AFF3: variants seen among roughly 807,000 people sequenced by gnomAD.
The protein encoded by AFF3 is ALF transcription elongation factor 3, also known as AF4/FMR2 family member 3.
A neutral mutation model predicts 129.7 loss-of-function variants in AFF3; 32 were observed. That is an observed-to-expected ratio of 0.25 (90% CI 0.19 to 0.33). The LOEUF is 0.33. Ranked by LOEUF, AFF3 falls within the 10% of genes least tolerant of loss-of-function variation. The pLI, the probability that AFF3 is intolerant of heterozygous loss-of-function variation, is 1.00. For missense variants in AFF3, 1,373 were observed against 1,592.0 expected (o/e 0.86, Z 2.34); for synonymous variants, 644 against 635.4 (o/e 1.01, Z -0.20).
At chr2:100,091,334 T>C (rs1689842240) in intron 4 of AFF3, among the ~76,000 whole-genome samples, 1 of 152,240 alleles carries the variant, frequency 6.6e-6, no homozygotes, top group African/African-American at 2.4e-5. Context: ...AAGGAAAATC[T>C]GCCATCAAAC....
At chr2:99,815,358 T>C (rs1370115841) in intron 8 of AFF3, among the ~76,000 whole-genome samples, 3 of 152,208 alleles carry the variant, frequency 2.0e-5, no homozygotes, top group Non-Finnish European at 4.4e-5. Context: ...GTAGAACTTC[T>C]CCATCTTCCC....
chr2:99,590,592 C>T (rs567304428), intron 15 of AFF3, among the ~76,000 whole-genome samples: 1 of 152,266 alleles, frequency 6.6e-6, no homozygotes, highest in Non-Finnish European at 1.5e-5. Flanking sequence ...ACACACTTTC[C>T]ATTATATGTG....
At chr2:99,795,634 G>A (rs774522198) in intron 8 of AFF3, among the ~76,000 whole-genome samples, 11 of 152,048 alleles carry the variant, frequency 7.2e-5, no homozygotes, top group Middle Eastern at 3.4e-3. Context: ...TCCTCGGCTC[G>A]GCTTCTAGGC....
At chr2:100,010,654 C>T (rs1682446842) in intron 4 of AFF3, among the ~76,000 whole-genome samples, 3 of 152,212 alleles carry the variant, frequency 2.0e-5, no homozygotes, top group South Asian at 2.1e-4. Context: ...GCGCTAACAT[C>T]ACGATCACTG....
At chr2:99,719,492 C>G (rs1300996975) in intron 11 of AFF3, among the ~76,000 whole-genome samples, 2 of 152,080 alleles carry the variant, frequency 1.3e-5, no homozygotes, top group Non-Finnish European at 2.9e-5. Context: ...GGGTAGTTTT[C>G]CTTCTCCCTT....
chr2:99,722,687 G>A (rs562378847), intron 11 of AFF3, among the ~76,000 whole-genome samples: 93 of 152,262 alleles, frequency 6.1e-4, no homozygotes, highest in East Asian at 1.3e-3. Flanking sequence ...TTTCCACTAC[G>A]CTCATTGGCA....
intron 4 of AFF3, among the ~76,000 whole-genome samples, chr2:100,096,263 TGAAG>T (rs1690283648): frequency 6.6e-6 from 1 of 151,974 alleles, no homozygotes; most frequent in Admixed American, 6.5e-5. Context: ...TCCCGGGCTT[TGAAG>T]GAATGATGAG....
At chr2:99,926,115 C>T (rs927267395) in intron 7 of AFF3, among the ~76,000 whole-genome samples, 1 of 152,192 alleles carries the variant, frequency 6.6e-6, no homozygotes. Context: ...TTGCAGTCAT[C>T]AGTACTCATG....
At position 99,818,233 on chromosome 2, in the gene AFF3, A is replaced by G. The variant is rs113107245; in HGVS notation, c.921+19244T>C. 5.0e-3 allele frequency among the ~76,000 whole-genome samples: 764 copies of G among 152,316 alleles called. 3 individuals carry two copies. The highest frequency in any genetic ancestry group is 0.018 in the African/African-American group (738 of 41,580). ...GATGTTCAACTGGTATAATGCAAAT[A>G]TTCCAAAATCCAAAATCTAAAACAC... On this transcript the variant is annotated intron_variant, in intron 8 of 24. Coordinates refer to ENST00000672756, the MANE Select transcript of AFF3 (RefSeq NM_001386135.1).
At chr2:99,821,460 C>T (rs966073073) in intron 8 of AFF3, among the ~76,000 whole-genome samples, 2 of 140,904 alleles carry the variant, frequency 1.4e-5, no homozygotes, top group Non-Finnish European at 3.1e-5. Context: ...CTAACAATAG[C>T]TGATGAGCTA....
At chr2:100,005,097 C>T (rs1681843023) in intron 7 of AFF3, among the ~76,000 whole-genome samples, 1 of 152,126 alleles carries the variant, frequency 6.6e-6, no homozygotes, top group Admixed American at 6.6e-5. Flanking sequence ...CTCTGCTAAC[C>T]AGACACCATA....
At chr2:99,882,151 T>C (rs1452363800) in intron 7 of AFF3, among the ~76,000 whole-genome samples, 1 of 152,078 alleles carries the variant, frequency 6.6e-6, no homozygotes, top group Non-Finnish European at 1.5e-5. Flanking sequence ...ATTCTTTGGC[T>C]GTTCCTGCTT....
chr2:99,706,118 C>A (rs998832778), intron 11 of AFF3, among the ~76,000 whole-genome samples: 1 of 152,050 alleles, frequency 6.6e-6, no homozygotes, highest in African/African-American at 2.4e-5. Context: ...AGGTTTGGGA[C>A]CTCTCGAGTT....
intron 13 of AFF3, among the ~76,000 whole-genome samples, chr2:99,640,195 C>G (rs186745937): frequency 1.6e-4 from 25 of 152,210 alleles, no homozygotes. Context: ...ACTTGTTTTT[C>G]TATAATATCA....
At chr2:99,998,193 G>A (rs2104653350) in intron 7 of AFF3, among the ~76,000 whole-genome samples, 1 of 152,314 alleles carries the variant, frequency 6.6e-6, no homozygotes, top group South Asian at 2.1e-4. Context: ...CATCAAAGAT[G>A]GATGAAAATG....
In AFF3 at chr2:99,549,750, C is replaced by A. The variant is rs1674279509; in HGVS notation, c.*1724G>T. 2 of 215,064 alleles carry A rather than the reference C, an allele frequency of 9.3e-6. No homozygotes were observed. The highest frequency in any genetic ancestry group is 9.4e-6 in the Non-Finnish European group (1 of 106,622). The allele number at this position is 215,064 out of a possible 1,614,324, so 13.3% of individuals were successfully genotyped here. A position where few individuals can be genotyped will look rare whatever the true frequency, so the allele number is the denominator to read the frequency against. On this transcript the variant is annotated 3_prime_UTR_variant, in exon 25 of 25. Transcript: ENST00000672756. ...CATCTAAGTTGTTCAGTCATTTATA[C>A]AATTTTGAATCAGTGCTCAGAGCTA...
intron 4 of AFF3, among the ~76,000 whole-genome samples, chr2:100,057,010 A>G (rs1345009404): frequency 6.6e-6 from 1 of 152,174 alleles, no homozygotes; most frequent in Non-Finnish European, 1.5e-5. Flanking sequence ...GAAAAAGAGA[A>G]AACTATTTCT....
At chr2:99,927,796 TGA>T (rs1696370183) in intron 7 of AFF3, among the ~76,000 whole-genome samples, 1 of 152,184 alleles carries the variant, frequency 6.6e-6, no homozygotes, top group Admixed American at 6.5e-5. Flanking sequence ...ATGTACATAC[TGA>T]GAGGCCCCAG....
chr2:100,125,394 A>T (rs779162095), intron 2 of AFF3, among the ~76,000 whole-genome samples: 1 of 152,186 alleles, frequency 6.6e-6, no homozygotes, highest in Non-Finnish European at 1.5e-5. Flanking sequence ...TGAAGGCAAG[A>T]CCAGAAGAAT....
Sources: gnomAD v4.1 joint callset for allele counts (sites outside exome capture counted in the v4.1 genomes callset) on GRCh38, gnomAD v4.1.1 for gene constraint, MANE v1.5 for transcripts, NCBI Gene and HGNC (gene_info 2026-07-23, HGNC 2026-07-21) for gene names.